Variants in SMAP1 observed in about 807,000 individuals in gnomAD.
SMAP1 encodes stromal membrane-associated protein 1.
Under a neutral mutation model 58.5 loss-of-function variants are expected in SMAP1, and 24 were observed. The observed-to-expected ratio is 0.41, with a 90% CI of 0.30 to 0.58. The LOEUF is 0.58. SMAP1 is among the 20% of genes least tolerant of loss of function. The pLI is 0.29. For synonymous variants in SMAP1, 216 were observed against 196.6 expected (o/e 1.10, Z -0.82); for missense variants, 563 against 566.3 (o/e 0.99, Z 0.06).
intron 4 of SMAP1, among the ~76,000 whole-genome samples, chr6:70,790,390 T>C (rs9446297): frequency 0.82 from 125,421 of 152,180 alleles, 52,429 homozygotes; most frequent in East Asian, 1. Flanking sequence ...CTGCGTGCCT[T>C]GGCCTCCCAA....
intron 5 of SMAP1, among the ~76,000 whole-genome samples, chr6:70,797,392 A>G (rs1261568721): frequency 1.3e-5 from 2 of 152,132 alleles, no homozygotes; most frequent in South Asian, 2.1e-4. Flanking sequence ...TTGAAACTCA[A>G]TGTTATTACC....
chr6:70,782,865 C>G (rs947863475), intron 4 of SMAP1, among the ~76,000 whole-genome samples: 4 of 152,192 alleles, frequency 2.6e-5, no homozygotes, highest in Non-Finnish European at 4.4e-5. Flanking sequence ...CAGCTCCGGT[C>G]TACAGCTCCC....
At chr6:70,671,442 A>AG (rs1381442092) in intron 1 of SMAP1, among the ~76,000 whole-genome samples, 1 of 152,204 alleles carries the variant, frequency 6.6e-6, no homozygotes, top group Non-Finnish European at 1.5e-5. Context: ...GCATGGTGGC[A>AG]GGCACCTGTA....
At chr6:70,671,004 G>A (rs574994885) in intron 1 of SMAP1, among the ~76,000 whole-genome samples, 25 of 152,314 alleles carry the variant, frequency 1.6e-4, no homozygotes, top group Non-Finnish European at 2.6e-4. Context: ...CAGGCAGATG[G>A]AACTACTCCT....
At chr6:70,780,314 G>A (rs1017564217) in intron 4 of SMAP1, among the ~76,000 whole-genome samples, 1 of 152,202 alleles carries the variant, frequency 6.6e-6, no homozygotes, top group African/African-American at 2.4e-5. Context: ...GGTGGCTCAT[G>A]TCTGTCATCC....
chr6:70,773,217 A>G lies in SMAP1; in HGVS notation c.339-133A>G, dbSNP rs1767400733. On this transcript the variant is annotated intron_variant, in intron 3 of 10. Coordinates refer to ENST00000370455, the MANE Select transcript of SMAP1 (RefSeq NM_001044305.3). ...TAGTTTACAGAATGTAGTTGCAGAA[A>G]TAATGTGAAAGAGAGCACAGATTGA... 12 of 576,074 alleles carry G rather than the reference A, an allele frequency of 2.1e-5. No homozygotes were observed. In the East Asian group the frequency reaches 3.1e-4, roughly 15 times the overall value. 35.7% of individuals were successfully genotyped at this position (576,074 alleles called of 1,614,324 possible).
At chr6:70,789,023 A>G (rs1413905232) in intron 4 of SMAP1, among the ~76,000 whole-genome samples, 3 of 151,878 alleles carry the variant, frequency 2.0e-5, no homozygotes, top group Non-Finnish European at 4.4e-5. Flanking sequence ...ATGTCTCTGT[A>G]TTTGTTTTCT....
chr6:70,818,146 A>G (rs1036418632), intron 6 of SMAP1, among the ~76,000 whole-genome samples: 2 of 151,900 alleles, frequency 1.3e-5, no homozygotes, highest in African/African-American at 2.4e-5. Flanking sequence ...ATGAAAACCT[A>G]ACTTTGGGAG....
At chr6:70,668,173 G>C in intron 1 of SMAP1, 32 bp downstream of exon 1, 2 of 1,568,294 alleles carry the variant, frequency 1.3e-6, no homozygotes, top group Non-Finnish European at 1.7e-6. Context: ...CCCACGGTCG[G>C]GGCCTCTTGC....
intron 1 of SMAP1, among the ~76,000 whole-genome samples, chr6:70,681,110 ATTT>A (rs1369545698): frequency 8.9e-6 from 1 of 112,446 alleles, no homozygotes; most frequent in Non-Finnish European, 2.0e-5. Context: ...GAGGGAGTTT[ATTT>A]AAAAAAAAAA....
intron 6 of SMAP1, among the ~76,000 whole-genome samples, chr6:70,827,329 A>T (rs369360192): frequency 1.3e-5 from 2 of 152,248 alleles, no homozygotes; most frequent in African/African-American, 2.4e-5. Context: ...AATTGGATAA[A>T]TGTAAAATTC....
chr6:70,671,745 C>G (rs1358216442), intron 1 of SMAP1, among the ~76,000 whole-genome samples: 1 of 152,146 alleles, frequency 6.6e-6, no homozygotes, highest in African/African-American at 2.4e-5. Context: ...ACTTTTGTTT[C>G]TGACTTTGAC....
chr6:70,674,512 A>G (rs1449996752), intron 1 of SMAP1, among the ~76,000 whole-genome samples: 1 of 152,222 alleles, frequency 6.6e-6, no homozygotes, highest in African/African-American at 2.4e-5. Context: ...AAAGAAGATC[A>G]AAGAAACTTG....
chr6:70,727,401 G>A (rs375038446), intron 1 of SMAP1, among the ~76,000 whole-genome samples: 8 of 152,244 alleles, frequency 5.3e-5, no homozygotes, highest in Admixed American at 2.6e-4. Context: ...GAGCCACTGC[G>A]CCCAACCCAC....
intron 8 of SMAP1, among the ~76,000 whole-genome samples, chr6:70,855,596 C>T (rs1322967144): frequency 6.6e-6 from 1 of 152,144 alleles, no homozygotes; most frequent in Non-Finnish European, 1.5e-5. Context: ...TAACAATAAA[C>T]ACCAAGTACT....
At chr6:70,840,944 C>T (rs1413048453) in intron 7 of SMAP1, among the ~76,000 whole-genome samples, 1 of 152,182 alleles carries the variant, frequency 6.6e-6, no homozygotes, top group Non-Finnish European at 1.5e-5. Flanking sequence ...GAGAAGAGTG[C>T]TCTTCGGGTC....
intron 3 of SMAP1, chr6:70,773,022 C>G (rs1362062448): frequency 8.1e-6 from 2 of 246,580 alleles, no homozygotes; most frequent in South Asian, 1.1e-4. Flanking sequence ...TACCAAAAAC[C>G]CCAAATGAAC....
At chr6:70,675,478 C>T (rs193277409) in intron 1 of SMAP1, among the ~76,000 whole-genome samples, 51 of 151,616 alleles carry the variant, frequency 3.4e-4, no homozygotes, top group African/African-American at 1.2e-3. Context: ...TAGTGAAACC[C>T]CATCTCTATT....
intron 6 of SMAP1, among the ~76,000 whole-genome samples, chr6:70,833,522 C>A (rs1770447642): frequency 6.6e-6 from 1 of 152,080 alleles, no homozygotes; most frequent in African/African-American, 2.4e-5. Flanking sequence ...TGTTGAAATC[C>A]ATCTAGAATA....
Sources: gnomAD v4.1 joint callset for allele counts (sites outside exome capture counted in the v4.1 genomes callset) on GRCh38, gnomAD v4.1.1 for gene constraint, MANE v1.5 for transcripts, NCBI Gene and HGNC (gene_info 2026-07-23, HGNC 2026-07-21) for gene names.